The following TOP6BL variants were observed in gnomAD, a reference collection of about 807,000 sequenced individuals.
TOP6BL encodes TOP6B like initiator of meiotic double strand breaks, also known as type 2 DNA topoisomerase 6 subunit B-like.
At chr11:66,775,231 A>C in the TOP6BL span, among the ~76,000 whole-genome samples, 3 of 151,050 alleles carry the variant, frequency 2.0e-5, no homozygotes, top group Admixed American at 2.0e-4. Flanking sequence ...TGTTTTTGTG[A>C]GATGATATAT....
the TOP6BL span, among the ~76,000 whole-genome samples, chr11:66,752,415 G>A: frequency 6.6e-6 from 1 of 151,966 alleles, no homozygotes; most frequent in African/African-American, 2.4e-5. Flanking sequence ...CTCTGTATGT[G>A]ACCTGTTTTT....
At chr11:66,761,897 C>T in the TOP6BL span, 4 of 1,217,624 alleles carry the variant, frequency 3.3e-6, no homozygotes, top group Non-Finnish European at 4.9e-6. Context: ...TGCCATCATT[C>T]TTTATAGCTT....
the TOP6BL span, chr11:66,843,224 C>T: frequency 1.2e-6 from 2 of 1,610,100 alleles, no homozygotes; most frequent in Non-Finnish European, 1.7e-6. Flanking sequence ...AGTCCCAGCC[C>T]TGGGCCCTGA....
chr11:66,796,163 G>T, the TOP6BL span: 1 of 700,266 alleles, frequency 1.4e-6, no homozygotes. Context: ...GTCTCCCTTT[G>T]GTTGTCCAAA....
the TOP6BL span, chr11:66,761,728 G>T: frequency 1.3e-6 from 1 of 789,108 alleles, no homozygotes; most frequent in Non-Finnish European, 2.2e-6. Context: ...ATAAGGCCCA[G>T]TCCAGGGAAT....
the TOP6BL span, chr11:66,744,816 A>AGGG: frequency 9.6e-5 from 91 of 946,526 alleles, 1 homozygote; most frequent in African/African-American, 3.4e-4. Context: ...CGGGCTGAGG[A>AGGG]GGGGGCGGCG....
At chr11:66,776,475 A>T in the TOP6BL span, among the ~76,000 whole-genome samples, 1 of 152,146 alleles carries the variant, frequency 6.6e-6, no homozygotes, top group South Asian at 2.1e-4. Flanking sequence ...AGGAAATTAA[A>T]CAAGGAAGGA....
At chr11:66,784,508 A>G in the TOP6BL span, among the ~76,000 whole-genome samples, 2 of 152,216 alleles carry the variant, frequency 1.3e-5, no homozygotes, top group Non-Finnish European at 2.9e-5. Context: ...TTCATCCAGA[A>G]AAAGAAACCG....
At chr11:66,796,188 A>C in the TOP6BL span, 2 of 924,468 alleles carry the variant, frequency 2.2e-6, no homozygotes, top group Non-Finnish European at 3.3e-6. Flanking sequence ...TTTCTGAGGT[A>C]TAGTTACTTT....
chr11:66,813,220 T>A, the TOP6BL span, among the ~76,000 whole-genome samples: 1 of 152,224 alleles, frequency 6.6e-6, no homozygotes, highest in African/African-American at 2.4e-5. Flanking sequence ...ACAGGTATTA[T>A]CTGGATATTT....
At chr11:66,819,525 C>G in the TOP6BL span, among the ~76,000 whole-genome samples, 4 of 152,152 alleles carry the variant, frequency 2.6e-5, no homozygotes, top group African/African-American at 7.2e-5. Flanking sequence ...AATCCCAATA[C>G]TTTGAGGGGC....
the TOP6BL span, among the ~76,000 whole-genome samples, chr11:66,819,154 G>T: frequency 0.011 from 1,648 of 152,150 alleles, 37 homozygotes; most frequent in African/African-American, 0.037. Flanking sequence ...GGAAACAGAT[G>T]GTGCAAAGTT....
the TOP6BL span, among the ~76,000 whole-genome samples, chr11:66,815,322 C>G: frequency 6.6e-6 from 1 of 152,146 alleles, no homozygotes; most frequent in Non-Finnish European, 1.5e-5. Flanking sequence ...ATCTCCCTCC[C>G]TTATTACTCT....
chr11:66,832,701 C>T, the TOP6BL span, among the ~76,000 whole-genome samples: 1 of 152,238 alleles, frequency 6.6e-6, no homozygotes, highest in African/African-American at 2.4e-5. Context: ...ATACTCTTGC[C>T]AGTTTCCCTC....
the TOP6BL span, among the ~76,000 whole-genome samples, chr11:66,749,410 G>A: frequency 2.0e-5 from 3 of 152,002 alleles, no homozygotes; most frequent in South Asian, 4.1e-4. Flanking sequence ...AGGGTAGCAA[G>A]GTTGATTTAA....
chr11:66,843,093 G>T, the TOP6BL span: 3 of 1,589,976 alleles, frequency 1.9e-6, no homozygotes, highest in South Asian at 3.4e-5. Flanking sequence ...GGCCGCGCAG[G>T]GAAGGGCTCA....
the TOP6BL span, among the ~76,000 whole-genome samples, chr11:66,825,283 AGCC>A: frequency 6.7e-6 from 1 of 150,112 alleles, no homozygotes; most frequent in Non-Finnish European, 1.5e-5. Context: ...GTTCCAGATC[AGCC>A]TGACCAACAT....
At chr11:66,751,585 C>T in the TOP6BL span, among the ~76,000 whole-genome samples, 1 of 151,652 alleles carries the variant, frequency 6.6e-6, no homozygotes, top group Non-Finnish European at 1.5e-5. Context: ...GATCCACCTG[C>T]CTCAGCCTCC....
At chr11:66,812,392 G>A in the TOP6BL span, among the ~76,000 whole-genome samples, 2 of 152,134 alleles carry the variant, frequency 1.3e-5, no homozygotes, top group East Asian at 3.9e-4. Flanking sequence ...TAGCCAGGAT[G>A]GTCTCAATCT....
Sources: gnomAD v4.1 joint callset for allele counts (sites outside exome capture counted in the v4.1 genomes callset) on GRCh38, gnomAD v4.1.1 for gene constraint, MANE v1.5 for transcripts, NCBI Gene and HGNC (gene_info 2026-07-23, HGNC 2026-07-21) for gene names.